The following FAM161A variants were observed in gnomAD, a reference collection of about 807,000 sequenced individuals.
The protein encoded by FAM161A is protein FAM161A.
A neutral mutation model predicts 70.9 loss-of-function variants in FAM161A; 57 were observed. That is an observed-to-expected ratio of 0.80 (90% confidence interval 0.65 to 1.00). FAM161A has a LOEUF of 1.00. Ranked by LOEUF, FAM161A falls within the 50% of genes least tolerant of loss-of-function variation. The pLI is 0.00. For synonymous variants in FAM161A, 299 were observed against 295.7 expected, an observed-to-expected ratio of 1.01 and a Z score of -0.12; for missense variants, 880 against 836.0, an observed-to-expected ratio of 1.05 and a Z score of -0.65.
chr2:61,826,681 G>A (rs945159813), intron 6 of FAM161A, 82 bp from the exon 7 acceptor site: 44 of 1,164,790 alleles, frequency 3.8e-5, no homozygotes, highest in African/African-American at 9.2e-5. Context: ...GTATGCCACC[G>A]TGTAGCCAGT....
chr2:61,841,006 G>A (rs1354481666), intron 2 of FAM161A, among the ~76,000 whole-genome samples: 1 of 152,180 alleles, frequency 6.6e-6, no homozygotes, highest in Non-Finnish European at 1.5e-5. Context: ...GCTGGACAGG[G>A]CTTGTAAGAA....
At chr2:61,851,734 T>C (rs535716110) in intron 1 of FAM161A, among the ~76,000 whole-genome samples, 1 of 148,458 alleles carries the variant, frequency 6.7e-6, no homozygotes, top group Middle Eastern at 3.5e-3. Flanking sequence ...CAGTGCCCAA[T>C]ATGGGCACTG....
At chr2:61,803,444 G>C in the FAM161A span, 1 of 648,862 alleles carries the variant, frequency 1.5e-6, no homozygotes, top group Non-Finnish European at 2.8e-6. Context: ...GCAAAGGCCA[G>C]TGTTGGTGCT....
At chr2:61,804,136 GA>G in the FAM161A span, among the ~76,000 whole-genome samples, 1 of 152,316 alleles carries the variant, frequency 6.6e-6, no homozygotes, top group East Asian at 1.9e-4. Context: ...GTAACTTCCT[GA>G]CGTTGCCATG....
chr2:61,848,617 A>C (rs1028611836), intron 1 of FAM161A, among the ~76,000 whole-genome samples: 1 of 150,846 alleles, frequency 6.6e-6, no homozygotes, highest in Non-Finnish European at 1.5e-5. Flanking sequence ...TTTATTAGTA[A>C]TCAGCACCTA....
the FAM161A span, among the ~76,000 whole-genome samples, chr2:61,819,844 T>G: frequency 6.6e-6 from 1 of 152,310 alleles, no homozygotes; most frequent in East Asian, 1.9e-4. Flanking sequence ...TACCATCTTC[T>G]TTTTATTAGC....
chr2:61,828,018 G>A (rs1426168944), intron 5 of FAM161A, among the ~76,000 whole-genome samples: 4 of 152,172 alleles, frequency 2.6e-5, no homozygotes, highest in Non-Finnish European at 2.9e-5. Flanking sequence ...TCAGAAATGG[G>A]CAAAACAACT....
At chr2:61,807,547 C>T in the FAM161A span, among the ~76,000 whole-genome samples, 1 of 150,920 alleles carries the variant, frequency 6.6e-6, no homozygotes, top group Non-Finnish European at 1.5e-5. Flanking sequence ...CTTGCTGGGC[C>T]AATCCCAAAA....
Position 61,825,946 on chromosome 2 carries a change from T to G in FAM161A, c.*509A>C, listed in dbSNP as rs183463157. The G allele has an allele frequency of 3.7e-5, 17 of 454,172 alleles. No individual in the cohort carries two copies. The East Asian group carries it at 1.2e-3, about 31-fold the overall frequency. The allele number at this position is 454,172 out of a possible 1,614,324, so 28.1% of individuals were successfully genotyped here. A position where few individuals can be genotyped will look rare whatever the true frequency, so the allele number is the denominator to read the frequency against. On this transcript the variant is annotated 3_prime_UTR_variant, in exon 7 of 7. Transcript: ENST00000404929. ...GCCACCATACCCGGCGTTTTTTCTA[T>G]ACTTTTAAAAATGGCTCAGAGCAGC...
chr2:61,838,943 C>A (rs536393881), intron 3 of FAM161A, among the ~76,000 whole-genome samples: 1 of 150,256 alleles, frequency 6.7e-6, no homozygotes, highest in East Asian at 1.9e-4. Context: ...AGTGCCATGG[C>A]GTGATCTCGG....
chr2:61,806,680 CTTTTTT>C, the FAM161A span, among the ~76,000 whole-genome samples: 12 of 61,564 alleles, frequency 1.9e-4, no homozygotes, highest in Non-Finnish European at 3.0e-4. Flanking sequence ...CTTTCCACGT[CTTTTTT>C]TTTTTTTTTT....
chr2:61,844,703 A>AAAAC (rs1168510551), intron 1 of FAM161A, among the ~76,000 whole-genome samples: 2 of 152,196 alleles, frequency 1.3e-5, no homozygotes, highest in Admixed American at 1.3e-4. Context: ...TGTCTCACTT[A>AAAAC]AAACAAACAA....
At chr2:61,828,292 A>G (rs913591623) in intron 5 of FAM161A, among the ~76,000 whole-genome samples, 11 of 152,072 alleles carry the variant, frequency 7.2e-5, no homozygotes, top group Admixed American at 5.9e-4. Context: ...CTGAAAAAAA[A>G]AAAAAGATTT....
At position 61,849,071 on chromosome 2, in the gene FAM161A, TA is replaced by T. The variant is rs1673397660; in HGVS notation, c.183+4787del. ...TTATATATATTTATATATATATAAA[TA>T]TATATATTTATATATATATTTAAAT... On this transcript the variant is annotated intron_variant, in intron 1 of 6. Transcript: ENST00000404929. Among the ~76,000 whole-genome samples, 20 of 49,804 alleles carry T rather than the reference TA, an allele frequency of 4.0e-4. 10 individuals carry two copies. Among genetic ancestry groups the T allele is most frequent in the African/African-American group, 2.0e-3 (20 of 9,822 alleles). The allele number at this position is 49,804 out of a possible 152,430, so 32.7% of individuals were successfully genotyped here. A position where few individuals can be genotyped will look rare whatever the true frequency, so the allele number is the denominator to read the frequency against.
At chr2:61,850,842 C>T (rs568497581) in intron 1 of FAM161A, among the ~76,000 whole-genome samples, 1 of 152,258 alleles carries the variant, frequency 6.6e-6, no homozygotes, top group East Asian at 1.9e-4. Flanking sequence ...TCATTTCTTT[C>T]CCAACATTTC....
At chr2:61,819,453 ACT>A in the FAM161A span, among the ~76,000 whole-genome samples, 1 of 152,214 alleles carries the variant, frequency 6.6e-6, no homozygotes. Flanking sequence ...ACAGAGTGAG[ACT>A]CTGTCTCAAA....
the FAM161A span, among the ~76,000 whole-genome samples, chr2:61,811,553 T>C: frequency 1.3e-5 from 2 of 152,148 alleles, no homozygotes; most frequent in Non-Finnish European, 2.9e-5. Flanking sequence ...TTCGTATTTT[T>C]AGTAGAGACT....
chr2:61,825,966 A>G lies in FAM161A; in HGVS notation c.*489T>C, dbSNP rs555636403. On this transcript the variant is annotated 3_prime_UTR_variant, in exon 7 of 7. Coordinates refer to ENST00000404929, the MANE Select transcript of FAM161A (RefSeq NM_001201543.2). ...TTCTATACTTTTAAAAATGGCTCAG[A>G]GCAGCAAAACAAGTTAGAGGATTTA... 1.1e-5 allele frequency: 5 copies of G among 454,098 alleles called. No homozygotes were observed. The highest frequency in any genetic ancestry group is 2.2e-5 in the Non-Finnish European group (5 of 226,820). 28.1% of individuals were successfully genotyped at this position (454,098 alleles called of 1,614,324 possible). A position where few individuals can be genotyped will look rare whatever the true frequency, so the allele number is the denominator to read the frequency against.
chr2:61,820,568 G>A (rs1389801319), downstream of FAM161A: 2 of 736,504 alleles, frequency 2.7e-6, no homozygotes, highest in Non-Finnish European at 5.0e-6. Context: ...CTAAGAGACA[G>A]TAGGATAAAT....
Sources: allele counts gnomAD v4.1 joint callset (sites outside exome capture counted in the v4.1 genomes callset), GRCh38; gene constraint gnomAD v4.1.1; transcripts MANE v1.5; gene names NCBI Gene and HGNC (gene_info 2026-07-23, HGNC 2026-07-21).